The following MYO16 variants were observed in gnomAD, a reference collection of about 807,000 sequenced individuals.
The protein encoded by MYO16 is myosin XVI.
A neutral mutation model predicts 205.3 loss-of-function variants in MYO16; 94 were observed. The ratio of observed to expected loss-of-function variants is 0.46; its 90% CI spans 0.39 to 0.54. The LOEUF (loss-of-function observed/expected upper bound fraction) is 0.54. Among genes scored for constraint, MYO16 ranks in the 20% least tolerant of loss-of-function variants. The pLI, the probability that MYO16 is intolerant of heterozygous loss-of-function variation, is 0.00. For missense variants in MYO16, 2,315 were observed against 2,387.5 expected, an observed-to-expected ratio of 0.97 and a Z score of 0.63; for synonymous variants, 988 against 954.0, an observed-to-expected ratio of 1.04 and a Z score of -0.66.
chr13:109,055,412 G>A lies in MYO16; in HGVS notation c.3152G>A (p.Gly1051Glu), dbSNP rs1262782504. The change falls in exon 27 of 35, where the codon GGA (glycine) becomes GAA (glutamate). Residue 1051 changes from glycine (G) to glutamate (E), a missense_variant. Physicochemically the swap from Gly to Glu is moderately conservative, Grantham distance 98. This residue lies in a region of MYO16 where 1,213 missense variants were observed against 1,274.4 expected (regional missense o/e 0.95). Transcript: ENST00000457511. The surrounding 1 kb of genome is among the most constrained non-coding windows in gnomAD (Gnocchi z 5.0). The part of the protein sequence containing the change: ...QLRKSLMDII[G>E]KLQKCTPHFI... ...TAGAAATCACTAATGGATATTATTG[G>A]AAAACTTCAGAAGTGCACTCCACAC... The A allele has an allele frequency of 6.2e-7, 1 of 1,612,106 alleles. No homozygotes were observed. Among genetic ancestry groups the A allele is most frequent in the Non-Finnish European group, 8.5e-7 (1 of 1,178,956 alleles).
intron 1 of MYO16, among the ~76,000 whole-genome samples, chr13:108,636,472 C>A (rs1880257370): frequency 6.7e-6 from 1 of 150,374 alleles, no homozygotes; most frequent in Admixed American, 6.7e-5. Flanking sequence ...CTCCACCGCC[C>A]AGGTTCGAGC....
In MYO16 at chr13:108,888,339, C is replaced by G. The variant is rs370915498; in HGVS notation, c.1554-33C>G. On this transcript the variant is annotated intron_variant, in intron 13 of 34. Coordinates refer to ENST00000457511, the MANE Select transcript of MYO16 (RefSeq NM_001198950.3). ...AACAAGCTTTGAAGCAAAGTTCCTTCAAACTTATGTTTTTCCTCTCTGTTT... is the reference window on the plus strand; with the variant it reads ...AACAAGCTTTGAAGCAAAGTTCCTTGAAACTTATGTTTTTCCTCTCTGTTT... The G allele has an allele frequency of 3.3e-4, 496 of 1,489,026 alleles. No homozygotes were observed. The African/African-American group carries it at 5.8e-3, about 17-fold the overall frequency. 92.2% of individuals were successfully genotyped at this position (1,489,026 alleles called of 1,614,324 possible). A position where few individuals can be genotyped will look rare whatever the true frequency, so the allele number is the denominator to read the frequency against.
At chr13:108,615,152 A>G (rs962782448) in intron 1 of MYO16, among the ~76,000 whole-genome samples, 1 of 152,108 alleles carries the variant, frequency 6.6e-6, no homozygotes, top group Admixed American at 6.6e-5. Context: ...GACGTGAATC[A>G]TATGTTTCCA....
At chr13:108,788,179 G>A (rs1037445066) in intron 5 of MYO16, among the ~76,000 whole-genome samples, 7 of 152,116 alleles carry the variant, frequency 4.6e-5, no homozygotes, top group East Asian at 1.9e-4. Context: ...CAGGATGCAC[G>A]TGGCAGAAGA....
intron 13 of MYO16, among the ~76,000 whole-genome samples, chr13:108,887,559 T>C (rs992316795): frequency 6.6e-6 from 1 of 152,162 alleles, no homozygotes; most frequent in Non-Finnish European, 1.5e-5. Flanking sequence ...GAATATAATA[T>C]TTACCATTTT....
At chr13:108,753,213 CA>C (rs1187166326) in intron 4 of MYO16, among the ~76,000 whole-genome samples, 2 of 151,208 alleles carry the variant, frequency 1.3e-5, no homozygotes, top group Non-Finnish European at 3.0e-5. Flanking sequence ...ACTAAGAATA[CA>C]AAAAAATTAG....
At position 108,712,710 on chromosome 13, in the gene MYO16, G is replaced by A. The variant is rs199831826; in HGVS notation, c.342G>A (p.Ser114=). 41 of 1,613,856 alleles carry A rather than the reference G, an allele frequency of 2.5e-5. 1 individual carries two copies. Among genetic ancestry groups the A allele is most frequent in the Admixed American group, 2.0e-4 (12 of 59,982 alleles). The change falls in exon 3 of 35, where the codon TCG becomes TCA. Residue 114 remains serine, a synonymous_variant. Transcript: ENST00000457511. ...EGADPHTLVS[S]GGSLLHLCAR... The stretch of plus-strand genomic sequence containing the variant: ...CAGACCCCCACACCCTCGTCTCCTC[G>A]GGAGGGTCCCTGCTCCATCTGGTAA...
chr13:108,559,355 G>A, the MYO16 span, among the ~76,000 whole-genome samples: 1 of 152,078 alleles, frequency 6.6e-6, no homozygotes, highest in African/African-American at 2.4e-5. Flanking sequence ...TGCAGAGAGG[G>A]CATGCCCTGC....
the MYO16 span, among the ~76,000 whole-genome samples, chr13:108,507,418 T>TA: frequency 6.6e-6 from 1 of 152,132 alleles, no homozygotes; most frequent in Admixed American, 6.6e-5. Context: ...AGGTTTTTTT[T>TA]AAAGAAAAAC....
intron 34 of MYO16, among the ~76,000 whole-genome samples, chr13:109,180,898 T>C (rs1879424272): frequency 6.6e-6 from 1 of 152,158 alleles, no homozygotes; most frequent in African/African-American, 2.4e-5. Context: ...TGAACACTGG[T>C]TTGATTTTTG....
intron 34 of MYO16, among the ~76,000 whole-genome samples, chr13:109,202,010 A>G (rs988267754): frequency 8.6e-5 from 13 of 152,038 alleles, no homozygotes; most frequent in African/African-American, 2.9e-4. Flanking sequence ...TACATCATAC[A>G]TATCATATAT....
chr13:108,654,833 A>AT (rs1881170936), intron 1 of MYO16, among the ~76,000 whole-genome samples: 1 of 152,116 alleles, frequency 6.6e-6, no homozygotes, highest in African/African-American at 2.4e-5. Context: ...AGCAAAGAGA[A>AT]TGGTGGCATT....
At chr13:109,013,473 A>G (rs1885689708) in intron 22 of MYO16, among the ~76,000 whole-genome samples, 1 of 152,292 alleles carries the variant, frequency 6.6e-6, no homozygotes, top group Middle Eastern at 3.4e-3. Context: ...TCCTTTGGGT[A>G]TATACCCAGT....
chr13:108,532,236 A>T, the MYO16 span, among the ~76,000 whole-genome samples: 2 of 151,878 alleles, frequency 1.3e-5, no homozygotes, highest in Non-Finnish European at 2.9e-5. Context: ...AATAAAAATA[A>T]ATAAATGAAA....
chr13:109,097,663 GT>G (rs1468193222), intron 27 of MYO16, among the ~76,000 whole-genome samples: 8 of 152,248 alleles, frequency 5.3e-5, no homozygotes, highest in African/African-American at 1.9e-4. Context: ...TCCATTTAGT[GT>G]GAGTAAAATA....
intron 32 of MYO16, among the ~76,000 whole-genome samples, chr13:109,161,252 T>TA (rs1206403858): frequency 6.6e-6 from 1 of 152,206 alleles, no homozygotes; most frequent in African/African-American, 2.4e-5. Context: ...GCCTGGGTGG[T>TA]AAACTCGTCA....
chr13:108,572,493 T>C, the MYO16 span, among the ~76,000 whole-genome samples: 1 of 152,182 alleles, frequency 6.6e-6, no homozygotes, highest in Non-Finnish European at 1.5e-5. Context: ...TTCCCAACAA[T>C]GAGTGAATGC....
intron 27 of MYO16, among the ~76,000 whole-genome samples, chr13:109,061,781 G>C (rs1484810703): frequency 2.6e-5 from 4 of 152,158 alleles, no homozygotes; most frequent in African/African-American, 9.7e-5. Flanking sequence ...GAAAAACTAT[G>C]CTTCAATTTG....
intron 24 of MYO16, chr13:109,048,195 G>GAAAATA: frequency 5.7e-6 from 2 of 351,682 alleles, no homozygotes; most frequent in Non-Finnish European, 1.1e-5. Context: ...GTGTGTGTGT[G>GAAAATA]TGTGTGTATT....
Sources: gnomAD v4.1 joint callset for allele counts (sites outside exome capture counted in the v4.1 genomes callset) on GRCh38, gnomAD v4.1.1 for gene constraint, gnomAD v4.1.1 regional missense constraint, Gnocchi (gnomAD v3.1) non-coding constraint, MANE v1.5 for transcripts, NCBI Gene and HGNC (gene_info 2026-07-23, HGNC 2026-07-21) for gene names.